Variants in SENP2 observed in about 807,000 individuals in gnomAD.
SENP2 encodes the protein sentrin-specific protease 2.
In SENP2, 16 loss-of-function variants were observed where a neutral mutation model predicts 86.3. That is an observed-to-expected ratio of 0.19 (90% CI 0.13 to 0.28). The LOEUF is 0.28. Ranked by LOEUF, SENP2 falls within the 10% of genes least tolerant of loss-of-function variation. SENP2 has a pLI of 1.00. For synonymous variants in SENP2, 222 were observed against 238.7 expected (o/e 0.93, Z 0.64); for missense variants, 552 against 703.0 (o/e 0.79, Z 2.43).
Position 185,586,319 on chromosome 3 carries a change from G to T in SENP2, c.-95G>T, listed in dbSNP as rs1721777561. On this transcript the variant is annotated 5_prime_UTR_variant, in exon 1 of 17. Coordinates refer to ENST00000296257, the MANE Select transcript of SENP2 (RefSeq NM_021627.3). The surrounding 1 kb of genome is among the most constrained non-coding windows in gnomAD (Gnocchi z 4.3). The stretch of plus-strand genomic sequence containing the variant: ...CACAAATCAGCGACCGAACTCTGGC[G>T]GTGGTGGTTAAGACGGCGAAGGCGG... 1 of 1,579,212 alleles carries T rather than the reference G, an allele frequency of 6.3e-7. No homozygotes were observed. The highest frequency in any genetic ancestry group is 8.6e-7 in the Non-Finnish European group (1 of 1,164,086).
intron 5 of SENP2, among the ~76,000 whole-genome samples, chr3:185,604,898 G>A (rs1480769243): frequency 2.0e-5 from 3 of 151,420 alleles, no homozygotes; most frequent in Non-Finnish European, 4.4e-5. Context: ...TGGGACTACA[G>A]GCATGCACCA....
chr3:185,594,558 A>G (rs1722112231), intron 2 of SENP2, among the ~76,000 whole-genome samples: 1 of 135,582 alleles, frequency 7.4e-6, no homozygotes, highest in Non-Finnish European at 1.7e-5. Context: ...CTTTTGAGAG[A>G]AAAAAAAGCA....
chr3:185,621,589 C>T (rs910847307), intron 13 of SENP2, among the ~76,000 whole-genome samples: 4 of 151,652 alleles, frequency 2.6e-5, no homozygotes, highest in Non-Finnish European at 5.9e-5. Context: ...GGGGTTTCGC[C>T]ATGTTGGTCA....
At chr3:185,623,040 C>T (rs1034301326) in intron 14 of SENP2, among the ~76,000 whole-genome samples, 2 of 152,032 alleles carry the variant, frequency 1.3e-5, no homozygotes, top group African/African-American at 4.8e-5. Context: ...TGGTCTTGAA[C>T]TCCCAACCTC....
At chr3:185,600,248 C>G (rs1722301924) in intron 4 of SENP2, among the ~76,000 whole-genome samples, 1 of 152,178 alleles carries the variant, frequency 6.6e-6, no homozygotes, top group Admixed American at 6.5e-5. Context: ...GATGCTGGCA[C>G]TACTGTGTTT....
intron 2 of SENP2, among the ~76,000 whole-genome samples, chr3:185,595,386 C>CCTGGAAT (rs1722143369): frequency 6.6e-6 from 1 of 152,184 alleles, no homozygotes; most frequent in South Asian, 2.1e-4. Flanking sequence ...AAGGGGATAA[C>CCTGGAAT]CTGGAATTCT....
In SENP2 at chr3:185,591,233, T is replaced by A. The variant is rs566664773; in HGVS notation, c.157+1064T>A. Among the ~76,000 whole-genome samples, 8 of 151,938 alleles carry A rather than the reference T, an allele frequency of 5.3e-5. No individual in the cohort carries two copies. In the East Asian group the frequency reaches 1.6e-3, roughly 30 times the overall value. On this transcript the variant is annotated intron_variant, in intron 2 of 16. Transcript: ENST00000296257. ...GAAAGTCTCTTTCCTATCCCTTTCT[T>A]ATCTTTTCTAGAGGTAACTACTGTT...
chr3:185,629,951 A>T lies in SENP2; in HGVS notation c.*107A>T. ...GTCCCTGCATCACTTCTGTTCTCACAGGTACTGAGCTGTCAAAAGTGCATG... is the reference window on the plus strand; with the variant it reads ...GTCCCTGCATCACTTCTGTTCTCACTGGTACTGAGCTGTCAAAAGTGCATG... On this transcript the variant is annotated 3_prime_UTR_variant, in exon 17 of 17. Transcript: ENST00000296257. 5 of 1,131,494 alleles carry T rather than the reference A, an allele frequency of 4.4e-6. No homozygotes were observed. Among genetic ancestry groups the T allele is most frequent in the Non-Finnish European group, 6.6e-6 (5 of 758,910 alleles). The allele number at this position is 1,131,494 out of a possible 1,614,324, so 70.1% of individuals were successfully genotyped here. A position where few individuals can be genotyped will look rare whatever the true frequency, so the allele number is the denominator to read the frequency against.
Position 185,632,188 on chromosome 3 carries a change from C to T in SENP2, c.*2344C>T, listed in dbSNP as rs1377325285. On this transcript the variant is annotated 3_prime_UTR_variant, in exon 17 of 17. Transcript: ENST00000296257. ...AAACAGCTATTGATTTTATTAGTAG[C>T]AAATTATCACCATTAAAGCCAGTGG... The T allele has an allele frequency of 7.0e-6, 1 of 142,062 alleles. No homozygotes were observed. The highest frequency in any genetic ancestry group is 1.5e-5 in the Non-Finnish European group (1 of 65,696). The allele number at this position is 142,062 out of a possible 1,614,324, so 8.8% of individuals were successfully genotyped here.
chr3:185,610,781 C>G (rs1288884042), intron 7 of SENP2, among the ~76,000 whole-genome samples: 2 of 150,658 alleles, frequency 1.3e-5, no homozygotes, highest in Non-Finnish European at 1.5e-5. Context: ...CACGGTGAAA[C>G]CCCATCTCTA....
chr3:185,607,264 A>T (rs1300168890), intron 6 of SENP2, among the ~76,000 whole-genome samples: 1 of 139,988 alleles, frequency 7.1e-6, no homozygotes, highest in African/African-American at 2.7e-5. Context: ...AGATGTGGTT[A>T]TTTTTATTAT....
rs1484209000 is a variant in SENP2 at position 185,590,604 on chromosome 3, A to G, written c.157+435A>G. ...TTTCCTGGCCCGACGTGGTGGCTCAAACCTTTAATTCCAGCACTTCAGAGG... is the reference window on the plus strand; with the variant it reads ...TTTCCTGGCCCGACGTGGTGGCTCAGACCTTTAATTCCAGCACTTCAGAGG... On this transcript the variant is annotated intron_variant, in intron 2 of 16. Transcript: ENST00000296257. 6.7e-5 allele frequency among the ~76,000 whole-genome samples: 10 copies of G among 148,838 alleles called. No homozygotes were observed. In the Admixed American group the frequency reaches 6.7e-4, roughly 10 times the overall value.
chr3:185,595,309 C>T (rs1474500983), intron 2 of SENP2, among the ~76,000 whole-genome samples: 2 of 152,186 alleles, frequency 1.3e-5, no homozygotes, highest in African/African-American at 2.4e-5. Flanking sequence ...AAGCATCAAT[C>T]GCTAAAGCTC....
At position 185,598,502 on chromosome 3, in the gene SENP2, C is replaced by T. The variant is rs753416202; in HGVS notation, c.248C>T (p.Thr83Ile). ...PFQLTTKPMV[T>I]SACNGTRNVA... ...CAGCTGACCACAAAGCCCATGGTAA[C>T]TTCTGCTTGTAATGGAACACGGAAT... Residue 83 changes from threonine to isoleucine, a missense_variant, in exon 3 of 17, where the codon ACT becomes ATT. Physicochemically the swap from Thr to Ile is moderately conservative, Grantham distance 89. Coordinates refer to ENST00000296257, the MANE Select transcript of SENP2 (RefSeq NM_021627.3). The T allele has an allele frequency of 6.2e-7, 1 of 1,613,976 alleles. No individual in the cohort carries two copies. The highest frequency in any genetic ancestry group is 1.3e-5 in the African/African-American group (1 of 74,890).
At chr3:185,591,984 T>C (rs1355821385) in intron 2 of SENP2, among the ~76,000 whole-genome samples, 1 of 138,840 alleles carries the variant, frequency 7.2e-6, no homozygotes, top group Non-Finnish European at 1.5e-5. Context: ...GAAAGAATAC[T>C]CCTGTCTTTA....
intron 8 of SENP2, 97 bp from the exon 9 acceptor site, chr3:185,612,509 GA>G: frequency 2.5e-6 from 2 of 798,036 alleles, no homozygotes; most frequent in Non-Finnish European, 4.1e-6. Flanking sequence ...CAATGTAGAG[GA>G]ATGTCTTGAT....
At chr3:185,603,131 C>T (rs1008569221) in intron 5 of SENP2, among the ~76,000 whole-genome samples, 1 of 151,888 alleles carries the variant, frequency 6.6e-6, no homozygotes, top group South Asian at 2.1e-4. Flanking sequence ...AGGCTGGTCT[C>T]GAACTCCTGA....
At chr3:185,623,148 G>A (rs1711969030) in intron 14 of SENP2, among the ~76,000 whole-genome samples, 2 of 151,442 alleles carry the variant, frequency 1.3e-5, no homozygotes, top group African/African-American at 4.9e-5. Context: ...TTATTTATTT[G>A]TTTGTTTTTT....
intron 12 of SENP2, 125 bp from the exon 13 acceptor site, chr3:185,619,174 T>C: frequency 4.3e-6 from 3 of 698,330 alleles, no homozygotes; most frequent in East Asian, 2.7e-5. Context: ...TGTCTTCTAC[T>C]ATAGACAGTC....
Sources: allele counts gnomAD v4.1 joint callset (sites outside exome capture counted in the v4.1 genomes callset), GRCh38; gene constraint gnomAD v4.1.1; non-coding constraint Gnocchi (gnomAD v3.1); transcripts MANE v1.5; gene names NCBI Gene and HGNC (gene_info 2026-07-23, HGNC 2026-07-21).